Variants in QTGAL observed in about 807,000 individuals in gnomAD.
QTGAL encodes the protein BGnT-like protein 1.
At chr17:83,018,050 GCGCC>G in the QTGAL span, among the ~76,000 whole-genome samples, 30 of 147,114 alleles carry the variant, frequency 2.0e-4, no homozygotes, top group Non-Finnish European at 2.6e-4. Flanking sequence ...TGAACACCGT[GCGCC>G]TGTATCAGGT....
the QTGAL span, among the ~76,000 whole-genome samples, chr17:82,963,680 G>A: frequency 6.6e-5 from 10 of 152,088 alleles, no homozygotes; most frequent in Non-Finnish European, 1.5e-4. Flanking sequence ...ACCCTAATGG[G>A]GTGGGTCTAG....
At chr17:83,028,984 C>T in the QTGAL span, among the ~76,000 whole-genome samples, 4 of 152,140 alleles carry the variant, frequency 2.6e-5, no homozygotes, top group Non-Finnish European at 5.9e-5. Context: ...CACGAGGGCA[C>T]GGCGTGCGGT....
chr17:82,993,305 G>A, the QTGAL span, among the ~76,000 whole-genome samples: 60 of 152,150 alleles, frequency 3.9e-4, 1 homozygote, highest in Middle Eastern at 0.01. Flanking sequence ...CCAGAAAAGA[G>A]CAGGAGTAGC....
the QTGAL span, among the ~76,000 whole-genome samples, chr17:83,013,849 G>A: frequency 6.6e-5 from 10 of 152,324 alleles, no homozygotes; most frequent in African/African-American, 2.4e-4. Context: ...TAAAACTTGA[G>A]CGAGATCTCT....
the QTGAL span, chr17:82,942,422 C>T: frequency 1.6e-5 from 26 of 1,613,832 alleles, no homozygotes; most frequent in South Asian, 2.4e-4. Context: ...AGCTGACCAG[C>T]CTGAGCTTGT....
the QTGAL span, among the ~76,000 whole-genome samples, chr17:83,004,684 G>A: frequency 1.4e-5 from 2 of 147,358 alleles, no homozygotes; most frequent in African/African-American, 5.1e-5. Context: ...TCCGCAGTCC[G>A]CGTGTGGGAT....
chr17:82,948,471 G>A, the QTGAL span: 1 of 152,422 alleles, frequency 6.6e-6, no homozygotes, highest in Admixed American at 6.5e-5. Flanking sequence ...CCTGGGTCCT[G>A]GCGTGGCCTC....
At chr17:82,957,155 G>A in the QTGAL span, 3 of 1,613,896 alleles carry the variant, frequency 1.9e-6, no homozygotes, top group Non-Finnish European at 2.5e-6. Context: ...TTGACCCCAA[G>A]GGTGACACCA....
At chr17:83,016,513 A>G in the QTGAL span, among the ~76,000 whole-genome samples, 1 of 100,076 alleles carries the variant, frequency 1.0e-5, no homozygotes, top group Non-Finnish European at 2.1e-5. Flanking sequence ...GGGAGGAGGG[A>G]AGAGGGCAGA....
At chr17:83,017,460 TA>T in the QTGAL span, among the ~76,000 whole-genome samples, 266 of 143,094 alleles carry the variant, frequency 1.9e-3, no homozygotes, top group Middle Eastern at 3.6e-3. Context: ...CTGGCTCTAC[TA>T]AAAAAAAAAA....
chr17:82,959,821 C>T, the QTGAL span, among the ~76,000 whole-genome samples: 3 of 152,052 alleles, frequency 2.0e-5, no homozygotes, highest in Admixed American at 1.3e-4. Flanking sequence ...GTTGGCCCAT[C>T]GTAGGAAGGT....
At chr17:83,043,404 C>A in the QTGAL span, among the ~76,000 whole-genome samples, 1 of 151,978 alleles carries the variant, frequency 6.6e-6, no homozygotes, top group Non-Finnish European at 1.5e-5. Flanking sequence ...AAAGCTAAAC[C>A]ATATACTCTT....
At chr17:82,988,693 G>A in the QTGAL span, among the ~76,000 whole-genome samples, 7 of 152,226 alleles carry the variant, frequency 4.6e-5, no homozygotes, top group South Asian at 4.2e-4. Flanking sequence ...GTGGGCAAAG[G>A]ACATGAACAG....
At chr17:82,977,975 G>A in the QTGAL span, among the ~76,000 whole-genome samples, 1 of 152,134 alleles carries the variant, frequency 6.6e-6, no homozygotes, top group Admixed American at 6.5e-5. Flanking sequence ...TCCTGCCCTG[G>A]GGCTTGGCTG....
the QTGAL span, among the ~76,000 whole-genome samples, chr17:83,039,072 T>C: frequency 2.0e-5 from 3 of 152,152 alleles, no homozygotes; most frequent in Non-Finnish European, 4.4e-5. Flanking sequence ...ACAGCAATGA[T>C]GATGACAGAC....
chr17:83,026,910 AGGAGG>A, the QTGAL span, among the ~76,000 whole-genome samples: 4 of 131,332 alleles, frequency 3.0e-5, no homozygotes, highest in East Asian at 7.6e-4. Flanking sequence ...AGACACACAG[AGGAGG>A]GCAGGGAGCC....
chr17:83,037,826 C>A, the QTGAL span, among the ~76,000 whole-genome samples: 1 of 152,170 alleles, frequency 6.6e-6, no homozygotes, highest in African/African-American at 2.4e-5. The surrounding 1 kb of genome is among the most constrained non-coding windows in gnomAD (Gnocchi z 5.2). Flanking sequence ...CACAATGAAT[C>A]CTGTGTTTGG....
At chr17:82,985,959 G>T in the QTGAL span, among the ~76,000 whole-genome samples, 1 of 152,206 alleles carries the variant, frequency 6.6e-6, no homozygotes, top group Non-Finnish European at 1.5e-5. Flanking sequence ...ACCCAGGAGG[G>T]CTCCTCAGGA....
the QTGAL span, among the ~76,000 whole-genome samples, chr17:82,962,500 C>T: frequency 8.7e-5 from 12 of 138,196 alleles, no homozygotes; most frequent in African/African-American, 2.9e-4. Context: ...GACCCTCACA[C>T]GGGTGATTTA....
Sources: allele counts gnomAD v4.1 joint callset (sites outside exome capture counted in the v4.1 genomes callset), GRCh38; gene constraint gnomAD v4.1.1; non-coding constraint Gnocchi (gnomAD v3.1); transcripts MANE v1.5; gene names NCBI Gene and HGNC (gene_info 2026-07-23, HGNC 2026-07-21).